The following SLC38A8 variants were observed in gnomAD, a reference collection of about 807,000 sequenced individuals.
The protein encoded by SLC38A8 is solute carrier family 38 member 8, also known as amino acid transporter SLC38A8.
A neutral mutation model predicts 46.0 loss-of-function variants in SLC38A8; 65 were observed. The ratio of observed to expected loss-of-function variants is 1.41; its 90% CI spans 1.16 to 1.74. The LOEUF is 1.74. SLC38A8 is among the 40% of genes most tolerant of loss of function. The pLI, the probability that SLC38A8 is intolerant of heterozygous loss-of-function variation, is 0.00. For synonymous variants in SLC38A8, 447 were observed against 243.7 expected, an observed-to-expected ratio of 1.83 and a Z score of -7.77; for missense variants, 998 against 567.9, an observed-to-expected ratio of 1.76 and a Z score of -7.70.
At chr16:84,018,421 G>A (rs748170478) in intron 7 of SLC38A8, among the ~76,000 whole-genome samples, 9 of 151,790 alleles carry the variant, frequency 5.9e-5, no homozygotes, top group African/African-American at 7.3e-5. Context: ...GGGTTTCACC[G>A]TGTTAGCCAG....
intron 6 of SLC38A8, among the ~76,000 whole-genome samples, chr16:84,026,478 C>T (rs944647856): frequency 2.6e-5 from 4 of 152,202 alleles, no homozygotes; most frequent in African/African-American, 7.2e-5. Flanking sequence ...CCACCCGCCT[C>T]GGCCTCTTAA....
At chr16:84,035,867 G>A (rs768580848) in intron 3 of SLC38A8, among the ~76,000 whole-genome samples, 1 of 152,192 alleles carries the variant, frequency 6.6e-6, no homozygotes, top group Admixed American at 6.5e-5. Flanking sequence ...CCTTCTCTTA[G>A]GAATAGAATA....
rs745941398 is a variant in SLC38A8, at chr16:84,013,073, C to T, written c.1163-21G>A. On this transcript the variant is annotated intron_variant, in intron 9 of 10. Coordinates refer to ENST00000299709, the MANE Select transcript of SLC38A8 (RefSeq NM_001080442.3). The stretch of plus-strand genomic sequence containing the variant: ...CAAACCTGCAAAAAAGACAGGGTCA[C>T]CCACAGTTCTTCGTTATCAAACCCA... The T allele has an allele frequency of 7.4e-6, 12 of 1,613,866 alleles. No homozygotes were observed. The South Asian group carries it at 8.8e-5, about 12-fold the overall frequency.
rs768102418 is a variant in SLC38A8 at position 84,036,890 on chromosome 16, A to T, written c.200T>A (p.Val67Asp). ...GATGACCAGCCCGCTGATCAGGAAG[A>T]CCAACGAGACCTGCGGAGAAGGAGC... ...PAFLVELVSLVFLISGLVILG... is the reference protein window; with the variant it reads ...PAFLVELVSLDFLISGLVILG... Residue 67 changes from valine (V) to aspartate (D), a missense_variant, in exon 3 of 11, where the codon GTC (valine) becomes GAC (aspartate). Physicochemically the swap from Val to Asp is radical, Grantham distance 152. Coordinates refer to ENST00000299709, the MANE Select transcript of SLC38A8 (RefSeq NM_001080442.3). 1.9e-6 allele frequency: 3 copies of T among 1,611,786 alleles called. No individual in the cohort carries two copies. The East Asian group carries it at 6.7e-5, about 36-fold the overall frequency.
At chr16:84,025,931 G>A (rs2085159147) in intron 6 of SLC38A8, among the ~76,000 whole-genome samples, 1 of 152,194 alleles carries the variant, frequency 6.6e-6, no homozygotes, top group African/African-American at 2.4e-5. Context: ...TCTGCCTCCT[G>A]CACCCCCGCA....
At chr16:84,021,538 A>T (rs1200869820) in intron 7 of SLC38A8, among the ~76,000 whole-genome samples, 1 of 152,162 alleles carries the variant, frequency 6.6e-6, no homozygotes, top group East Asian at 1.9e-4. Flanking sequence ...TATTTCCATG[A>T]CTAACTAGAG....
intron 9 of SLC38A8, 130 bp from the exon 10 acceptor site, chr16:84,013,182 C>A (rs939630089): frequency 1.6e-5 from 15 of 955,376 alleles, no homozygotes; most frequent in South Asian, 3.2e-5. Context: ...CTGGCTCAGG[C>A]CCCCTGGAGA....
Position 84,018,893 on chromosome 16 carries a change from G to A in SLC38A8, c.806-1606C>T, listed in dbSNP as rs571855868. Among the ~76,000 whole-genome samples the A allele has an allele frequency of 1.2e-4, 19 of 152,252 alleles. No individual in the cohort carries two copies. In the South Asian group the frequency reaches 3.7e-3, roughly 30 times the overall value. On this transcript the variant is annotated intron_variant, in intron 7 of 10. Coordinates refer to ENST00000299709, the MANE Select transcript of SLC38A8 (RefSeq NM_001080442.3). The stretch of plus-strand genomic sequence containing the variant: ...TGGGGTGGGTATAAAACTAGCAGAA[G>A]CTAAGGCTAGTTCAATAAGTGGATT...
At position 84,033,297 on chromosome 16, in the gene SLC38A8, G is replaced by T. The variant is rs772077464; in HGVS notation, c.530+31C>A. ...TGACACAAACACTCAGCAAGGTGGG[G>T]GCCCCCACCAGGCAGCATCCCAGCC... On this transcript the variant is annotated intron_variant, in intron 4 of 10. Coordinates refer to ENST00000299709, the MANE Select transcript of SLC38A8 (RefSeq NM_001080442.3). 1.1e-5 allele frequency: 17 copies of T among 1,613,380 alleles called. No individual in the cohort carries two copies. The South Asian group carries it at 1.8e-4, about 17-fold the overall frequency.
intron 9 of SLC38A8, among the ~76,000 whole-genome samples, chr16:84,013,420 G>GTTTTTTTT (rs1383553761): frequency 1.1e-5 from 1 of 94,628 alleles, no homozygotes; most frequent in African/African-American, 7.5e-5. Context: ...TTTGTTGTGT[G>GTTTTTTTT]TGTGTTTTTT....
chr16:84,021,883 G>A (rs2085100231), intron 7 of SLC38A8, among the ~76,000 whole-genome samples: 1 of 152,234 alleles, frequency 6.6e-6, no homozygotes, highest in South Asian at 2.1e-4. Flanking sequence ...GCAGAGCCCT[G>A]AAGTGGCGCG....
chr16:84,032,913 TGGGTGG>T (rs2085260048), intron 4 of SLC38A8, among the ~76,000 whole-genome samples: 1 of 77,904 alleles, frequency 1.3e-5, no homozygotes, highest in African/African-American at 6.2e-5. Flanking sequence ...TGGGTGAGCA[TGGGTGG>T]GTGTGGGTAC....
At chr16:84,030,978 T>A (rs936088144) in intron 5 of SLC38A8, among the ~76,000 whole-genome samples, 2 of 152,132 alleles carry the variant, frequency 1.3e-5, no homozygotes, top group African/African-American at 4.8e-5. Context: ...TCCCACTTGG[T>A]CTCTGTTGCT....
chr16:84,013,015 T>C lies in SLC38A8; in HGVS notation c.1200A>G (p.Ile400Met). 1 of 1,614,200 alleles carries C rather than the reference T, an allele frequency of 6.2e-7. No individual in the cohort carries two copies. The highest frequency in any genetic ancestry group is 8.5e-7 in the Non-Finnish European group (1 of 1,180,010). ...CLICAMGVEPIGPRVKCCLEV... is the reference protein window; with the variant it reads ...CLICAMGVEPMGPRVKCCLEV... ...GGGACACTTACTTGACTCTTGGTCC[T>C]ATAGGCTCGACACCCATTGCACAGA... The change falls in exon 10 of 11, where the codon ATA (isoleucine) becomes ATG (methionine). Residue 400 changes from isoleucine to methionine, a missense_variant. By Grantham distance (10) the Ile-to-Met change is conservative. Coordinates refer to ENST00000299709, the MANE Select transcript of SLC38A8 (RefSeq NM_001080442.3).
chr16:84,026,035 G>A (rs73247346), intron 6 of SLC38A8, among the ~76,000 whole-genome samples: 7,319 of 152,324 alleles, frequency 0.048, 600 homozygotes, highest in African/African-American at 0.17. Context: ...CAGCACCTCA[G>A]CCCCATGGCA....
intron 7 of SLC38A8, among the ~76,000 whole-genome samples, chr16:84,017,637 TAAAG>T (rs1432360070): frequency 2.6e-5 from 4 of 152,282 alleles, no homozygotes; most frequent in Admixed American, 2.0e-4. Context: ...CTACGACATC[TAAAG>T]AAAGCAGCTA....
At chr16:84,012,711 A>T (rs1283360665) in intron 10 of SLC38A8, among the ~76,000 whole-genome samples, 1 of 152,226 alleles carries the variant, frequency 6.6e-6, no homozygotes, top group Non-Finnish European at 1.5e-5. Context: ...AAAGGAGGGT[A>T]CAGATGCACC....
At chr16:84,026,887 T>A (rs773979950) in intron 6 of SLC38A8, among the ~76,000 whole-genome samples, 9 of 151,992 alleles carry the variant, frequency 5.9e-5, no homozygotes, top group Non-Finnish European at 1.0e-4. Flanking sequence ...AGGTGGAGAA[T>A]GGAGAGTGAC....
intron 7 of SLC38A8, among the ~76,000 whole-genome samples, chr16:84,021,755 G>A (rs1597258096): frequency 2.0e-5 from 3 of 152,338 alleles, no homozygotes; most frequent in East Asian, 3.9e-4. Context: ...GGTTACAACA[G>A]AATGCCTGAA....
Sources: gnomAD v4.1 joint callset for allele counts (sites outside exome capture counted in the v4.1 genomes callset) on GRCh38, gnomAD v4.1.1 for gene constraint, MANE v1.5 for transcripts, NCBI Gene and HGNC (gene_info 2026-07-23, HGNC 2026-07-21) for gene names.